The following CABYR variants were observed in gnomAD, a reference collection of about 807,000 sequenced individuals.
The protein encoded by CABYR is calcium binding tyrosine phosphorylation regulated, also known as calcium-binding tyrosine phosphorylation-regulated protein.
CABYR carries 31 observed loss-of-function variants against 36.1 expected under a neutral mutation model. That is an observed-to-expected ratio of 0.86 (90% confidence interval 0.64 to 1.16). CABYR has a LOEUF of 1.16. CABYR is among the 50% of genes most tolerant of loss of function. CABYR has a pLI of 0.00. For synonymous variants in CABYR, 146 were observed against 160.7 expected (o/e 0.91, Z 0.69); for missense variants, 429 against 455.8 (o/e 0.94, Z 0.53).
intron 3 of CABYR, among the ~76,000 whole-genome samples, chr18:24,153,113 A>G (rs543826136): frequency 6.6e-6 from 1 of 152,030 alleles, no homozygotes; most frequent in African/African-American, 2.4e-5. Flanking sequence ...CTCTCTCCAA[A>G]TTCTTGCCCC....
chr18:24,159,088 G>A (rs1367495094), intron 4 of CABYR, among the ~76,000 whole-genome samples: 4 of 152,202 alleles, frequency 2.6e-5, no homozygotes, highest in South Asian at 2.1e-4. Context: ...ATGCACTAAC[G>A]CTTCCTTTAA....
chr18:24,142,692 T>C (rs1381481814), intron 1 of CABYR, among the ~76,000 whole-genome samples: 4 of 151,784 alleles, frequency 2.6e-5, no homozygotes, highest in African/African-American at 7.3e-5. Flanking sequence ...TTTACTAAAA[T>C]GAATACCTAC....
chr18:24,156,904 C>G, intron 4 of CABYR: 6 of 1,614,132 alleles, frequency 3.7e-6, no homozygotes, highest in Non-Finnish European at 5.1e-6. Context: ...GTAAAGTCAT[C>G]TAGTGGCCCC....
intron 4 of CABYR, chr18:24,156,340 C>T: frequency 6.2e-7 from 1 of 1,614,210 alleles, no homozygotes; most frequent in Non-Finnish European, 8.5e-7. Flanking sequence ...CCTGAGGTCA[C>T]TTTGCAGGCT....
chr18:24,160,053 G>T lies in CABYR; in HGVS notation c.1123G>T (p.Ala375Ser). Residue 375 changes from alanine to serine, a missense_variant, in exon 5 of 6, where the codon GCA (alanine) becomes TCA (serine). Coordinates refer to ENST00000399496, the MANE Select transcript of CABYR (RefSeq NM_153769.3). ...TVTTAHKRRK[A>S]ETEN The stretch of plus-strand genomic sequence containing the variant: ...GACTACTGCTCACAAACGTCGCAAA[G>T]CAGAAACTGAAAACTGGTAGGTACA... 1 of 1,611,694 alleles carries T rather than the reference G, an allele frequency of 6.2e-7. No homozygotes were observed. Among genetic ancestry groups the T allele is most frequent in the African/African-American group, 1.3e-5 (1 of 74,596 alleles).
intron 3 of CABYR, among the ~76,000 whole-genome samples, chr18:24,147,301 A>G (rs1405696430): frequency 6.7e-6 from 1 of 149,174 alleles, no homozygotes; most frequent in Non-Finnish European, 1.5e-5. Context: ...AATACAAGGG[A>G]ACTTCCTAAA....
chr18:24,143,435 A>G (rs1399323157), intron 3 of CABYR, 22 bp downstream of exon 3: 2 of 1,345,612 alleles, frequency 1.5e-6, no homozygotes, highest in Admixed American at 2.2e-5. Context: ...AAGTAGTAAT[A>G]GTTTTAATAA....
chr18:24,151,157 C>CAT (rs10646467), intron 3 of CABYR, among the ~76,000 whole-genome samples: 151,777 of 152,284 alleles, frequency 1, 75,637 homozygotes, highest in Middle Eastern at 1. Context: ...CCTGAATCTC[C>CAT]ATGAGTTGTG....
Position 24,159,768 on chromosome 18 carries a change from G to T in CABYR, c.838G>T (p.Ala280Ser). Residue 280 changes from alanine to serine, a missense_variant, in exon 5 of 6, where the codon GCT (alanine) becomes TCT (serine). Ala to Ser is a moderately conservative substitution (Grantham distance 99). Transcript: ENST00000399496. ...AQGWKPLPGH[A>S]VVSQSDVLRY... ...GGGATGGAAACCTCTTCCTGGACAT[G>T]CTGTCGTTTCACAGTCAGATGTCTT... 1 of 1,614,060 alleles carries T rather than the reference G, an allele frequency of 6.2e-7. No homozygotes were observed. Among genetic ancestry groups the T allele is most frequent in the Non-Finnish European group, 8.5e-7 (1 of 1,180,034 alleles).
chr18:24,156,416 A>G (rs749818151), intron 4 of CABYR: 1 of 1,614,216 alleles, frequency 6.2e-7, no homozygotes, highest in South Asian at 1.1e-5. Context: ...TGACTGAAGG[A>G]GTTGTTTATA....
intron 4 of CABYR, among the ~76,000 whole-genome samples, chr18:24,157,258 A>T (rs911118036): frequency 1.3e-5 from 2 of 152,212 alleles, no homozygotes; most frequent in African/African-American, 2.4e-5. Flanking sequence ...TGGACATATT[A>T]TGTAGTCAAC....
chr18:24,139,345 G>A (rs192562682), intron 1 of CABYR: 113 of 152,364 alleles, frequency 7.4e-4, no homozygotes, highest in African/African-American at 2.7e-3. Context: ...TCTTGGACAA[G>A]TCCAGGCGAT....
intron 3 of CABYR, among the ~76,000 whole-genome samples, 188 bp from the exon 4 acceptor site, chr18:24,155,513 G>C (rs2085756424): frequency 6.6e-6 from 1 of 151,876 alleles, no homozygotes; most frequent in African/African-American, 2.4e-5. Flanking sequence ...GGGTAGAGAT[G>C]GGGTCTCACT....
At chr18:24,161,395 C>G (rs2085980619) in intron 5 of CABYR, 121 bp from the exon 6 acceptor site, 1 of 632,716 alleles carries the variant, frequency 1.6e-6, no homozygotes, top group Non-Finnish European at 2.9e-6. Flanking sequence ...CCATAGGTAA[C>G]TAGTTAAGCT....
At chr18:24,147,177 C>T (rs555692528) in intron 3 of CABYR, among the ~76,000 whole-genome samples, 3 of 140,620 alleles carry the variant, frequency 2.1e-5, no homozygotes, top group East Asian at 2.1e-4. Flanking sequence ...CACCTGTAGT[C>T]GTGGATATTC....
At chr18:24,161,344 G>C (rs1221962591) in intron 5 of CABYR, among the ~76,000 whole-genome samples, 172 bp from the exon 6 acceptor site, 4 of 152,178 alleles carry the variant, frequency 2.6e-5, no homozygotes, top group Non-Finnish European at 5.9e-5. Context: ...CAAAATGGCT[G>C]TTTTCAGCAT....
chr18:24,159,047 C>G (rs1174463937), intron 4 of CABYR, among the ~76,000 whole-genome samples: 1 of 152,196 alleles, frequency 6.6e-6, no homozygotes, highest in Non-Finnish European at 1.5e-5. Context: ...ACACCTAGTG[C>G]TAACTTCTTT....
At chr18:24,156,065 T>C in intron 4 of CABYR, 23 bp downstream of exon 4, 1 of 1,614,200 alleles carries the variant, frequency 6.2e-7, no homozygotes. Context: ...CTATTCATTC[T>C]GATCAATCTG....
At chr18:24,142,094 G>A (rs967381898) in intron 1 of CABYR, among the ~76,000 whole-genome samples, 1 of 152,108 alleles carries the variant, frequency 6.6e-6, no homozygotes, top group Admixed American at 6.5e-5. Context: ...GGAGCCTGTG[G>A]GTGGATCACA....
Sources: allele counts gnomAD v4.1 joint callset (sites outside exome capture counted in the v4.1 genomes callset), GRCh38; gene constraint gnomAD v4.1.1; transcripts MANE v1.5; gene names NCBI Gene and HGNC (gene_info 2026-07-23, HGNC 2026-07-21).